USP34: variants seen among roughly 807,000 people sequenced by gnomAD.
USP34 encodes the protein ubiquitin specific peptidase 34.
A neutral mutation model predicts 460.3 loss-of-function variants in USP34; 70 were observed. The observed-to-expected ratio is 0.15, with a 90% confidence interval of 0.13 to 0.19. The LOEUF (loss-of-function observed/expected upper bound fraction) is 0.19, where lower values mean the gene tolerates loss of function less well. USP34 is among the 10% of genes least tolerant of loss of function. The probability of loss-of-function intolerance (pLI) is 1.00; values close to 1 mark genes in which losing one functional copy is unlikely to be tolerated. For synonymous variants in USP34, 1,647 were observed against 1,405.3 expected, an observed-to-expected ratio of 1.17 and a Z score of -3.85; for missense variants, 3,985 against 4,236.2, an observed-to-expected ratio of 0.94 and a Z score of 1.65.
intron 1 of USP34, among the ~76,000 whole-genome samples, chr2:61,440,521 T>G (rs1301646563): frequency 6.6e-6 from 1 of 151,250 alleles, no homozygotes; most frequent in Non-Finnish European, 1.5e-5. Context: ...TTTTTAAATT[T>G]TTTTTTTTTT....
At chr2:61,386,942 T>C (rs1473388951) in intron 5 of USP34, among the ~76,000 whole-genome samples, 4 of 151,984 alleles carry the variant, frequency 2.6e-5, no homozygotes, top group East Asian at 1.9e-4. Flanking sequence ...AACACAACAG[T>C]GAAAAGCAAC....
chr2:61,278,492 T>C (rs747110144), intron 39 of USP34, 49 bp from the exon 40 acceptor site: 11 of 1,336,772 alleles, frequency 8.2e-6, no homozygotes, highest in Non-Finnish European at 1.1e-5. Flanking sequence ...TTTTATGTTT[T>C]ACCAAACATA....
At chr2:61,429,564 T>A (rs1439176838) in intron 1 of USP34, among the ~76,000 whole-genome samples, 4 of 151,990 alleles carry the variant, frequency 2.6e-5, no homozygotes, top group Admixed American at 2.0e-4. Context: ...GCAGTCGAGG[T>A]TGCAGTGAGC....
chr2:61,402,757 C>A (rs1693759881), intron 3 of USP34, among the ~76,000 whole-genome samples: 1 of 152,124 alleles, frequency 6.6e-6, no homozygotes, highest in Non-Finnish European at 1.5e-5. Flanking sequence ...ACTAGATGGA[C>A]AATTTCCTCA....
intron 1 of USP34, among the ~76,000 whole-genome samples, chr2:61,430,185 C>T (rs1191200791): frequency 6.7e-6 from 1 of 148,854 alleles, no homozygotes; most frequent in African/African-American, 2.5e-5. Context: ...ACTGCACTCC[C>T]GCCTGGGCGA....
intron 1 of USP34, among the ~76,000 whole-genome samples, chr2:61,422,284 A>T (rs1437577695): frequency 6.6e-6 from 1 of 152,224 alleles, no homozygotes; most frequent in Non-Finnish European, 1.5e-5. Flanking sequence ...AGTGCCTAAA[A>T]ACAGAGGGAA....
chr2:61,452,799 C>T (rs1330690795), intron 1 of USP34, among the ~76,000 whole-genome samples: 4 of 151,250 alleles, frequency 2.6e-5, no homozygotes, highest in East Asian at 3.9e-4. Context: ...ATAAGAGGAT[C>T]GCTTGAGCCT....
At position 61,227,160 on chromosome 2, in the gene USP34, A is replaced by T; in HGVS notation, c.7502T>A (p.Ile2501Asn). 1 of 1,613,922 alleles carries T rather than the reference A, an allele frequency of 6.2e-7. No homozygotes were observed. The highest frequency in any genetic ancestry group is 8.5e-7 in the Non-Finnish European group (1 of 1,179,948). The change falls in exon 62 of 80, where the codon ATC becomes AAC. Residue 2501 changes from isoleucine to asparagine, a missense_variant. Coordinates refer to ENST00000398571, the MANE Select transcript of USP34 (RefSeq NM_014709.4). ...GTATTTTTCTTCTGCCAGAGAGAGG[A>T]TATCTTCTTCCTCCTCTTCTTCTTC... is the stretch of plus-strand genomic sequence containing the variant. ...EGEEEEEEED[I>N]LSLAEEKYRP...
intron 29 of USP34, among the ~76,000 whole-genome samples, chr2:61,299,780 T>C (rs1261203564): frequency 6.6e-6 from 1 of 152,108 alleles, no homozygotes; most frequent in East Asian, 1.9e-4. Context: ...ATAAAATAAA[T>C]GGCATCTTTA....
chr2:61,319,750 C>T (rs559416987), intron 21 of USP34, among the ~76,000 whole-genome samples: 2 of 152,172 alleles, frequency 1.3e-5, no homozygotes, highest in South Asian at 4.1e-4. Flanking sequence ...GAGGCTGAGA[C>T]AGGAGAATTG....
intron 2 of USP34, among the ~76,000 whole-genome samples, chr2:61,420,209 A>G (rs886907413): frequency 1.3e-5 from 2 of 152,170 alleles, no homozygotes; most frequent in Admixed American, 6.5e-5. Flanking sequence ...TATTCAAGGG[A>G]AAAAAATTAT....
At chr2:61,285,781 G>A (rs948493856) in intron 34 of USP34, among the ~76,000 whole-genome samples, 3 of 152,146 alleles carry the variant, frequency 2.0e-5, no homozygotes, top group African/African-American at 7.2e-5. Flanking sequence ...CGGGTAGAGA[G>A]CATGGATTCT....
intron 16 of USP34, among the ~76,000 whole-genome samples, chr2:61,341,233 G>C (rs1401470387): frequency 6.6e-6 from 1 of 152,074 alleles, no homozygotes; most frequent in Non-Finnish European, 1.5e-5. Context: ...AATTCCAGTT[G>C]GAAGGCCTTC....
At chr2:61,370,167 T>C (rs1208686054) in intron 10 of USP34, among the ~76,000 whole-genome samples, 154 bp downstream of exon 10, 3 of 152,174 alleles carry the variant, frequency 2.0e-5, no homozygotes, top group Non-Finnish European at 2.9e-5. Context: ...AGTAACATAG[T>C]AAGACATGGA....
intron 67 of USP34, among the ~76,000 whole-genome samples, chr2:61,218,689 T>C (rs1687472781): frequency 6.6e-6 from 1 of 152,102 alleles, no homozygotes; most frequent in Admixed American, 6.6e-5. Context: ...TAATGACCTT[T>C]ACAGTTTCAA....
intron 1 of USP34, among the ~76,000 whole-genome samples, chr2:61,452,582 G>A (rs1318813681): frequency 3.3e-5 from 5 of 151,858 alleles, no homozygotes; most frequent in Non-Finnish European, 7.4e-5. Flanking sequence ...TCAGCCTCCC[G>A]CCAAAGTGCT....
At chr2:61,273,186 AG>A (rs1457480116) in intron 41 of USP34, among the ~76,000 whole-genome samples, 1 of 152,192 alleles carries the variant, frequency 6.6e-6, no homozygotes, top group African/African-American at 2.4e-5. Context: ...TGTAGGAAAA[AG>A]AATCTTCTAA....
In USP34 at chr2:61,281,104, G is replaced by T; in HGVS notation, c.5137C>A (p.Leu1713Ile). Reference sequence around the variant, plus strand: ...TAAAATCTTACCCTAATAGGTTTGAGTGCTTGAGCATCAGGAAGAAATTTC... The same window carrying T: ...TAAAATCTTACCCTAATAGGTTTGATTGCTTGAGCATCAGGAAGAAATTTC... ...LLKFLPDAQA[L>I]KPIRIDDYEE... Residue 1713 changes from leucine (L) to isoleucine (I), a missense_variant, in exon 38 of 80, where the codon CTC (leucine) becomes ATC (isoleucine). Around this residue, in one of 14 missense-constraint regions of USP34, gnomAD observed 1,114 missense variants for 1,122.5 expected, o/e 0.99. Transcript: ENST00000398571. The T allele has an allele frequency of 6.2e-7, 1 of 1,613,568 alleles. No homozygotes were observed. Among genetic ancestry groups the T allele is most frequent in the Non-Finnish European group, 8.5e-7 (1 of 1,179,714 alleles).
chr2:61,451,992 G>T (rs913035170), intron 1 of USP34, among the ~76,000 whole-genome samples: 1 of 151,848 alleles, frequency 6.6e-6, no homozygotes, highest in Non-Finnish European at 1.5e-5. Flanking sequence ...TGGCTAACAC[G>T]GTGAAACCCG....
Sources: gnomAD v4.1 joint callset for allele counts (sites outside exome capture counted in the v4.1 genomes callset) on GRCh38, gnomAD v4.1.1 for gene constraint, gnomAD v4.1.1 regional missense constraint, MANE v1.5 for transcripts, NCBI Gene and HGNC (gene_info 2026-07-23, HGNC 2026-07-21) for gene names.